RAP1GDS1: variants seen among roughly 807,000 people sequenced by gnomAD.
RAP1GDS1 encodes the protein Rap1 GTPase-GDP dissociation stimulator 1.
Under a neutral mutation model 71.1 loss-of-function variants are expected in RAP1GDS1, and 35 were observed. That is an observed-to-expected ratio of 0.49 (90% CI 0.38 to 0.65). The LOEUF is 0.65. RAP1GDS1 is among the 30% of genes least tolerant of loss of function. RAP1GDS1 has a pLI of 0.00. For missense variants in RAP1GDS1, 663 were observed against 706.1 expected, an observed-to-expected ratio of 0.94 and a Z score of 0.69; for synonymous variants, 229 against 243.1, an observed-to-expected ratio of 0.94 and a Z score of 0.54.
intron 7 of RAP1GDS1, among the ~76,000 whole-genome samples, chr4:98,415,865 C>A (rs1186287601): frequency 6.6e-6 from 1 of 152,126 alleles, no homozygotes; most frequent in African/African-American, 2.4e-5. Flanking sequence ...CTCAAGAAAG[C>A]TTTAAATCAA....
intron 2 of RAP1GDS1, among the ~76,000 whole-genome samples, chr4:98,295,890 G>A (rs1727664055): frequency 6.6e-6 from 1 of 151,922 alleles, no homozygotes; most frequent in Non-Finnish European, 1.5e-5. Flanking sequence ...TTTTTAACAA[G>A]AAAAAGTAAA....
chr4:98,283,308 CT>C (rs1272279534), intron 1 of RAP1GDS1, among the ~76,000 whole-genome samples: 1 of 152,074 alleles, frequency 6.6e-6, no homozygotes, highest in Non-Finnish European at 1.5e-5. Context: ...GATGATTTTC[CT>C]TTAGTTGCAG....
chr4:98,367,935 G>A (rs1739763710), intron 4 of RAP1GDS1, among the ~76,000 whole-genome samples: 1 of 152,136 alleles, frequency 6.6e-6, no homozygotes, highest in Non-Finnish European at 1.5e-5. Context: ...GCTGAAATAA[G>A]AATTTGGGGG....
At position 98,443,523 on chromosome 4, in the gene RAP1GDS1, G is replaced by T. The variant is rs1380931173; in HGVS notation, c.*1406G>T. ...GAAGGACTGCAAGACAGTAGAAAGG[G>T]CTGCCACGGAGGTGACAGTAGCTCC... On this transcript the variant is annotated 3_prime_UTR_variant, in exon 15 of 15. Coordinates refer to ENST00000408927, the MANE Select transcript of RAP1GDS1 (RefSeq NM_001100427.2). The T allele has an allele frequency of 8.8e-6, 2 of 227,858 alleles. No individual in the cohort carries two copies. The highest frequency in any genetic ancestry group is 5.7e-5 in the Admixed American group (1 of 17,574). The allele number at this position is 227,858 out of a possible 1,614,324, so 14.1% of individuals were successfully genotyped here.
At chr4:98,340,828 A>G (rs1000087170) in intron 2 of RAP1GDS1, among the ~76,000 whole-genome samples, 10 of 152,092 alleles carry the variant, frequency 6.6e-5, no homozygotes, top group African/African-American at 1.9e-4. Flanking sequence ...CATTGAGTAC[A>G]TATGGATACA....
chr4:98,316,833 A>G (rs1480856575), intron 2 of RAP1GDS1, among the ~76,000 whole-genome samples: 1 of 152,194 alleles, frequency 6.6e-6, no homozygotes, highest in Non-Finnish European at 1.5e-5. Flanking sequence ...AGTGAAAGAT[A>G]GGAGCTAGAG....
At chr4:98,294,697 A>C (rs1406412194) in intron 2 of RAP1GDS1, among the ~76,000 whole-genome samples, 1 of 152,108 alleles carries the variant, frequency 6.6e-6, no homozygotes, top group Admixed American at 6.6e-5. Context: ...ACTTCTCAGT[A>C]GTTATATTTG....
chr4:98,262,500 A>C (rs776735068), intron 1 of RAP1GDS1, among the ~76,000 whole-genome samples: 6 of 152,228 alleles, frequency 3.9e-5, no homozygotes, highest in Admixed American at 1.3e-4. Context: ...TAACTGTTAC[A>C]TTCAGTAATC....
intron 2 of RAP1GDS1, among the ~76,000 whole-genome samples, chr4:98,319,235 A>G (rs1042191817): frequency 6.6e-6 from 1 of 152,218 alleles, no homozygotes; most frequent in Non-Finnish European, 1.5e-5. Context: ...ATGATGAGTC[A>G]TTGCATGAAT....
rs531016721 is a variant in RAP1GDS1, at chr4:98,414,692, G to A, written c.764-2053G>A. ...TCTTTTGGCTTAGGATTGACTTGGC[G>A]ATGCGGGCTCTTTCTTGGTTCCATA... On this transcript the variant is annotated intron_variant, in intron 7 of 14. Transcript: ENST00000408927. Among the ~76,000 whole-genome samples, 189 of 151,276 alleles carry A rather than the reference G, an allele frequency of 1.2e-3. 1 individual carries two copies. The South Asian group carries it at 0.016, about 13-fold the overall frequency.
intron 1 of RAP1GDS1, among the ~76,000 whole-genome samples, chr4:98,273,820 T>C (rs549321979): frequency 1.3e-5 from 2 of 152,290 alleles, no homozygotes; most frequent in South Asian, 2.1e-4. Context: ...ATTTGCTATT[T>C]AGTATGCAAT....
At chr4:98,355,797 G>T (rs1425177242) in intron 4 of RAP1GDS1, among the ~76,000 whole-genome samples, 1 of 152,072 alleles carries the variant, frequency 6.6e-6, no homozygotes. Flanking sequence ...GAAGAAAACG[G>T]CCTTATATAA....
At chr4:98,296,937 T>G (rs1727845045) in intron 2 of RAP1GDS1, 1 of 354,316 alleles carries the variant, frequency 2.8e-6, no homozygotes, top group African/African-American at 3.7e-5. Flanking sequence ...CATTTTGTGT[T>G]GCCGGGGGGA....
chr4:98,282,083 GTC>G (rs920700258), intron 1 of RAP1GDS1, among the ~76,000 whole-genome samples: 297 of 152,178 alleles, frequency 2.0e-3, no homozygotes, highest in African/African-American at 7.0e-3. Context: ...TTTTTGTTGT[GTC>G]TCTGTCAGGC....
chr4:98,380,139 G>A (rs1356847175), intron 5 of RAP1GDS1, among the ~76,000 whole-genome samples: 3 of 150,418 alleles, frequency 2.0e-5, no homozygotes, highest in African/African-American at 7.3e-5. Context: ...TTTGGCCCTT[G>A]TTGTTAGTGA....
intron 2 of RAP1GDS1, among the ~76,000 whole-genome samples, chr4:98,339,840 G>C (rs942333925): frequency 6.6e-6 from 1 of 152,302 alleles, no homozygotes; most frequent in South Asian, 2.1e-4. Context: ...GCAGAGAAAA[G>C]GGAATGCTTA....
intron 2 of RAP1GDS1, among the ~76,000 whole-genome samples, chr4:98,337,734 G>T (rs1734902710): frequency 1.3e-5 from 2 of 152,156 alleles, no homozygotes; most frequent in African/African-American, 4.8e-5. Flanking sequence ...AGCTAAAATG[G>T]TAGGGTGAGG....
At chr4:98,331,494 A>G (rs569509751) in intron 2 of RAP1GDS1, among the ~76,000 whole-genome samples, 3 of 152,282 alleles carry the variant, frequency 2.0e-5, no homozygotes, top group Admixed American at 1.3e-4. Flanking sequence ...ATTATCAACA[A>G]TTGACAAGAA....
chr4:98,359,756 T>C (rs139753336), intron 4 of RAP1GDS1, among the ~76,000 whole-genome samples: 158 of 152,312 alleles, frequency 1.0e-3, no homozygotes, highest in Non-Finnish European at 1.9e-3. Context: ...AAGAAATTGA[T>C]ATTTTCAGTT....
Sources: allele counts gnomAD v4.1 joint callset (sites outside exome capture counted in the v4.1 genomes callset), GRCh38; gene constraint gnomAD v4.1.1; transcripts MANE v1.5; gene names NCBI Gene and HGNC (gene_info 2026-07-23, HGNC 2026-07-21).